RASAL2: variants seen among roughly 807,000 people sequenced by gnomAD.
RASAL2 encodes the protein ras GTPase-activating protein nGAP.
RASAL2 carries 58 observed loss-of-function variants against 128.9 expected under a neutral mutation model. That is an observed-to-expected ratio of 0.45 (90% CI 0.36 to 0.56). The LOEUF (loss-of-function observed/expected upper bound fraction) is 0.56, where lower values mean the gene tolerates loss of function less well. Ranked by LOEUF, RASAL2 falls within the 20% of genes least tolerant of loss-of-function variation. The probability of loss-of-function intolerance (pLI) is 0.00; values close to 1 mark genes in which losing one functional copy is unlikely to be tolerated. For missense variants in RASAL2, 1,360 were observed against 1,601.6 expected, an observed-to-expected ratio of 0.85 and a Z score of 2.57; for synonymous variants, 561 against 580.8, an observed-to-expected ratio of 0.97 and a Z score of 0.49.
intron 1 of RASAL2, among the ~76,000 whole-genome samples, chr1:178,186,275 T>C (rs1662292309): frequency 1.3e-5 from 2 of 152,036 alleles, no homozygotes; most frequent in African/African-American, 4.8e-5. Flanking sequence ...CCTTTTTATT[T>C]TCTTATACTG....
chr1:178,211,518 A>G (rs775363858), intron 1 of RASAL2, among the ~76,000 whole-genome samples: 12 of 152,270 alleles, frequency 7.9e-5, no homozygotes, highest in Non-Finnish European at 1.8e-4. Context: ...ATCTGCCTCT[A>G]CAGTGTTGTC....
At chr1:178,438,991 A>T (rs1238522960) in intron 5 of RASAL2, among the ~76,000 whole-genome samples, 1 of 151,526 alleles carries the variant, frequency 6.6e-6, no homozygotes, top group Admixed American at 6.6e-5. Context: ...TGTCAATCAT[A>T]TAAGAGGATA....
intron 1 of RASAL2, among the ~76,000 whole-genome samples, chr1:178,108,683 A>G (rs777405329): frequency 3.9e-5 from 6 of 152,238 alleles, no homozygotes; most frequent in Non-Finnish European, 5.9e-5. Flanking sequence ...GAATGCAAAT[A>G]GTTATTATAA....
At chr1:178,451,522 C>A (rs1677374097) in intron 9 of RASAL2, 49 bp from the exon 10 acceptor site, 13 of 1,569,370 alleles carry the variant, frequency 8.3e-6, no homozygotes, top group Non-Finnish European at 1.1e-5. Flanking sequence ...TTATTCTATT[C>A]AGGAAGACAC....
chr1:178,097,896 G>A (rs1658750610), intron 1 of RASAL2, among the ~76,000 whole-genome samples: 1 of 152,078 alleles, frequency 6.6e-6, no homozygotes, highest in African/African-American at 2.4e-5. Context: ...CGTATACTCA[G>A]GGTTTTGTGT....
chr1:178,229,947 T>G (rs1031926830), intron 1 of RASAL2, among the ~76,000 whole-genome samples: 1 of 152,230 alleles, frequency 6.6e-6, no homozygotes, highest in Non-Finnish European at 1.5e-5. Context: ...TGGTTCTCCT[T>G]TCTGGTTAAT....
At chr1:178,298,911 GA>G (rs150584915) in intron 2 of RASAL2, among the ~76,000 whole-genome samples, 10 of 143,170 alleles carry the variant, frequency 7.0e-5, no homozygotes, top group African/African-American at 7.7e-5. Flanking sequence ...AGGATTACCA[GA>G]AAAAAAAAAC....
intron 1 of RASAL2, among the ~76,000 whole-genome samples, chr1:178,222,431 T>A (rs1381221239): frequency 1.3e-5 from 2 of 152,146 alleles, no homozygotes; most frequent in Non-Finnish European, 2.9e-5. Flanking sequence ...TTAAATTGTT[T>A]GCTTTTGAGT....
chr1:178,473,020 A>C, intron 17 of RASAL2, 55 bp from the exon 18 acceptor site: 1 of 1,588,708 alleles, frequency 6.3e-7, no homozygotes, highest in Non-Finnish European at 8.6e-7. Context: ...TCAGTAAAGA[A>C]AGCGTGTTAC....
At chr1:178,206,897 A>G (rs1186815852) in intron 1 of RASAL2, among the ~76,000 whole-genome samples, 1 of 152,194 alleles carries the variant, frequency 6.6e-6, no homozygotes, top group Non-Finnish European at 1.5e-5. Flanking sequence ...GATCTCAGCC[A>G]GACGAGGTGG....
chr1:178,299,007 T>C (rs1667639820), intron 2 of RASAL2, among the ~76,000 whole-genome samples: 1 of 152,116 alleles, frequency 6.6e-6, no homozygotes, highest in Non-Finnish European at 1.5e-5. Flanking sequence ...AAATAGTTAT[T>C]AGTATTAGAG....
chr1:178,110,221 A>G (rs1188440460), intron 1 of RASAL2, among the ~76,000 whole-genome samples: 3 of 152,086 alleles, frequency 2.0e-5, no homozygotes, highest in African/African-American at 7.2e-5. Context: ...CTAGACAGCT[A>G]CTAATCTGCT....
chr1:178,112,954 A>C (rs989004902), intron 1 of RASAL2, among the ~76,000 whole-genome samples: 2 of 152,192 alleles, frequency 1.3e-5, no homozygotes, highest in Non-Finnish European at 2.9e-5. Flanking sequence ...GTCTAGCCCA[A>C]TTTCACAAAG....
rs77622985 is a variant in RASAL2 at position 178,315,714 on chromosome 1, C to T, written c.457+15596C>T. On this transcript the variant is annotated intron_variant, in intron 3 of 17. Transcript: ENST00000367649. ...AGCCCTTTGTCAGATGAGTAGGTTG[C>T]GAAAACTTTCTCCCATTTTGTAGGT... 5.6e-3 allele frequency among the ~76,000 whole-genome samples: 828 copies of T among 146,688 alleles called. 74 individuals are homozygous for T. The highest frequency in any genetic ancestry group is 0.021 in the African/African-American group (765 of 37,306).
chr1:178,433,118 A>G (rs1676030698), intron 5 of RASAL2, among the ~76,000 whole-genome samples: 1 of 152,012 alleles, frequency 6.6e-6, no homozygotes, highest in Admixed American at 6.6e-5. Flanking sequence ...CATCCATACT[A>G]TAGTAGAGCC....
At chr1:178,141,662 G>A (rs1280112168) in intron 1 of RASAL2, among the ~76,000 whole-genome samples, 5 of 152,090 alleles carry the variant, frequency 3.3e-5, no homozygotes, top group East Asian at 1.9e-4. Flanking sequence ...AGATTTCCTC[G>A]GGAGGAGTGC....
intron 1 of RASAL2, among the ~76,000 whole-genome samples, chr1:178,184,125 A>T (rs1290752973): frequency 6.6e-6 from 1 of 152,146 alleles, no homozygotes; most frequent in African/African-American, 2.4e-5. Flanking sequence ...TTCAGACCTT[A>T]TGCCCATTTT....
chr1:178,250,959 G>A (rs1571707191), intron 1 of RASAL2, among the ~76,000 whole-genome samples: 2 of 152,266 alleles, frequency 1.3e-5, no homozygotes, highest in East Asian at 3.9e-4. Context: ...GGGCTAGCTA[G>A]CATTTAGTAA....
chr1:178,263,201 T>C (rs1288669805), intron 1 of RASAL2, among the ~76,000 whole-genome samples: 2 of 152,202 alleles, frequency 1.3e-5, no homozygotes, highest in Non-Finnish European at 2.9e-5. Flanking sequence ...TTTTACCATC[T>C]GAACATTTTC....
Sources: allele counts gnomAD v4.1 joint callset (sites outside exome capture counted in the v4.1 genomes callset), GRCh38; gene constraint gnomAD v4.1.1; transcripts MANE v1.5; gene names NCBI Gene and HGNC (gene_info 2026-07-23, HGNC 2026-07-21).